The following TRAPPC12 variants were observed in gnomAD, a reference collection of about 807,000 sequenced individuals.
TRAPPC12 encodes trafficking protein particle complex subunit 12.
Under a neutral mutation model 69.2 loss-of-function variants are expected in TRAPPC12, and 61 were observed. The observed-to-expected ratio is 0.88, with a 90% CI of 0.72 to 1.09. TRAPPC12 has a LOEUF of 1.09. Ranked by LOEUF, TRAPPC12 falls within the 50% of genes least tolerant of loss-of-function variation. The probability of loss-of-function intolerance (pLI) is 0.00; values close to 1 mark genes in which losing one functional copy is unlikely to be tolerated. For synonymous variants in TRAPPC12, 469 were observed against 438.9 expected (o/e 1.07, Z -0.86); for missense variants, 1,101 against 1,016.4 (o/e 1.08, Z -1.13).
intron 5 of TRAPPC12, among the ~76,000 whole-genome samples, chr2:3,426,743 G>A (rs943856009): frequency 1.3e-5 from 2 of 152,022 alleles, no homozygotes; most frequent in African/African-American, 4.8e-5. Flanking sequence ...CACTGTCCTC[G>A]AGGAGCAGGG....
At chr2:3,384,470 C>T (rs1187162114) in intron 1 of TRAPPC12, among the ~76,000 whole-genome samples, 1 of 152,068 alleles carries the variant, frequency 6.6e-6, no homozygotes, top group Non-Finnish European at 1.5e-5. Context: ...CCTTTGATTG[C>T]ATTAAGGAAG....
chr2:3,420,196 A>AG (rs1231701027), intron 3 of TRAPPC12, among the ~76,000 whole-genome samples: 2 of 152,082 alleles, frequency 1.3e-5, no homozygotes, highest in African/African-American at 4.8e-5. Context: ...TAAAAAAAAA[A>AG]CAACTATCAA....
At chr2:3,478,576 G>C in intron 10 of TRAPPC12, 1 of 296,386 alleles carries the variant, frequency 3.4e-6, no homozygotes, top group Non-Finnish European at 6.3e-6. Flanking sequence ...GGAGGTTGCG[G>C]TGAGCCGAGA....
At chr2:3,383,525 AGTAGCAG>A (rs1553309338) in intron 1 of TRAPPC12, among the ~76,000 whole-genome samples, 2 of 150,636 alleles carry the variant, frequency 1.3e-5, no homozygotes. Context: ...CAGCCTCCCG[AGTAGCAG>A]AGTAGCTGGG....
At chr2:3,387,582 A>G in intron 1 of TRAPPC12, 38 bp from the exon 2 acceptor site, 1 of 1,447,498 alleles carries the variant, frequency 6.9e-7, no homozygotes, top group Non-Finnish European at 9.2e-7. Context: ...GTGAATGAAG[A>G]TCACGCTCAG....
In TRAPPC12 at chr2:3,421,893, T is replaced by C; in HGVS notation, c.1177T>C (p.Trp393Arg). Reference sequence around the variant, plus strand: ...CCGTGTCTTGCAGAGCTGCAGAAACTGGAGGGCAGCAGTGGACCTGTGCGG... The same window carrying C: ...CCGTGTCTTGCAGAGCTGCAGAAACCGGAGGGCAGCAGTGGACCTGTGCGG... ...GLKQLISCRN[W>R]RAAVDLCGRL... is the part of the protein sequence containing the mutation. The change falls in exon 4 of 12, where the codon TGG becomes CGG. Residue 393 changes from tryptophan (W) to arginine (R), a missense_variant. Trp to Arg is a moderately radical substitution (Grantham distance 101). Coordinates refer to ENST00000324266, the MANE Select transcript of TRAPPC12 (RefSeq NM_016030.6). The C allele has an allele frequency of 6.2e-7, 1 of 1,613,782 alleles. No homozygotes were observed. Among genetic ancestry groups the C allele is most frequent in the Non-Finnish European group, 8.5e-7 (1 of 1,179,846 alleles).
At chr2:3,419,642 CAAAAAAA>C (rs35364043) in intron 3 of TRAPPC12, among the ~76,000 whole-genome samples, 5 of 111,320 alleles carry the variant, frequency 4.5e-5, no homozygotes, top group Non-Finnish European at 7.8e-5. Context: ...TCCTCATTTC[CAAAAAAA>C]AAAAAAAAAA....
rs781187492 is a variant in TRAPPC12 at position 3,388,278 on chromosome 2, T to C, written c.655T>C (p.Leu219=). ...CGGAGACACGGCCGCCAGCCACTCC[T>C]TGGCCTCGGACTTCTTCGACTCCTT... ...FFGDTAASHS[L]ASDFFDSFTT... is the part of the protein sequence containing the mutation. Residue 219 remains leucine (L), a synonymous_variant, in exon 2 of 12, where the codon TTG becomes CTG. Coordinates refer to ENST00000324266, the MANE Select transcript of TRAPPC12 (RefSeq NM_016030.6). 64 of 1,607,700 alleles carry C rather than the reference T, an allele frequency of 4.0e-5. No homozygotes were observed. The highest frequency in any genetic ancestry group is 5.3e-5 in the Non-Finnish European group (62 of 1,177,040).
chr2:3,431,931 A>G (rs1223289570), intron 5 of TRAPPC12, among the ~76,000 whole-genome samples: 1 of 152,192 alleles, frequency 6.6e-6, no homozygotes, highest in Non-Finnish European at 1.5e-5. Context: ...CCCCACCACC[A>G]TCTTTTTAAT....
At chr2:3,419,745 C>G (rs758460345) in intron 3 of TRAPPC12, among the ~76,000 whole-genome samples, 3 of 152,028 alleles carry the variant, frequency 2.0e-5, no homozygotes, top group Non-Finnish European at 2.9e-5. Context: ...GAGGCCAGTA[C>G]TCACCGTCAG....
intron 2 of TRAPPC12, among the ~76,000 whole-genome samples, chr2:3,389,260 G>A (rs115946687): frequency 0.016 from 2,396 of 152,354 alleles, 75 homozygotes; most frequent in African/African-American, 0.055. Flanking sequence ...TCTCGGCCCA[G>A]GTTCGCCCAC....
At chr2:3,410,065 A>G (rs1007684385) in intron 3 of TRAPPC12, among the ~76,000 whole-genome samples, 2 of 152,204 alleles carry the variant, frequency 1.3e-5, no homozygotes, top group African/African-American at 2.4e-5. Flanking sequence ...CTTTTGTGTT[A>G]TCGTCTCAGG....
intron 6 of TRAPPC12, among the ~76,000 whole-genome samples, chr2:3,450,969 A>G (rs1029825671): frequency 3.3e-5 from 5 of 152,228 alleles, no homozygotes; most frequent in Admixed American, 3.3e-4. Context: ...TGAAGGTGTC[A>G]GTGACCCAGC....
intron 6 of TRAPPC12, among the ~76,000 whole-genome samples, chr2:3,448,681 TGGAGAG>T: frequency 7.1e-6 from 1 of 140,480 alleles, no homozygotes; most frequent in East Asian, 2.0e-4. Flanking sequence ...GGGTAGGGCG[TGGAGAG>T]CAGCCGGTTA....
chr2:3,402,912 C>A (rs894405938), intron 3 of TRAPPC12, among the ~76,000 whole-genome samples: 5 of 152,168 alleles, frequency 3.3e-5, no homozygotes, highest in African/African-American at 1.2e-4. Flanking sequence ...CAAAGCCATG[C>A]TCCCATGCCT....
At chr2:3,401,347 G>A (rs528393489) in intron 2 of TRAPPC12, among the ~76,000 whole-genome samples, 2 of 152,284 alleles carry the variant, frequency 1.3e-5, no homozygotes, top group Admixed American at 6.5e-5. Context: ...CTGCACCAGC[G>A]CGAGGCTGGC....
chr2:3,429,275 C>T (rs1663293260), intron 5 of TRAPPC12, among the ~76,000 whole-genome samples: 1 of 152,184 alleles, frequency 6.6e-6, no homozygotes, highest in Non-Finnish European at 1.5e-5. Flanking sequence ...GGCAACTGAG[C>T]TGTTCTGTCT....
chr2:3,465,838 G>T, intron 9 of TRAPPC12, 143 bp downstream of exon 9: 1 of 668,496 alleles, frequency 1.5e-6, no homozygotes. Flanking sequence ...CCATGAAAAG[G>T]GTGGGTTCTT....
intron 5 of TRAPPC12, among the ~76,000 whole-genome samples, chr2:3,430,753 A>G (rs541027428): frequency 1.3e-5 from 2 of 152,288 alleles, no homozygotes; most frequent in Non-Finnish European, 2.9e-5. Context: ...GGAATAATAA[A>G]TGCAAAGAAA....
Sources: allele counts gnomAD v4.1 joint callset (sites outside exome capture counted in the v4.1 genomes callset), GRCh38; gene constraint gnomAD v4.1.1; transcripts MANE v1.5; gene names NCBI Gene and HGNC (gene_info 2026-07-23, HGNC 2026-07-21).